Variants in CTNND2 observed in about 807,000 individuals in gnomAD.
CTNND2 encodes the protein catenin delta-2.
A neutral mutation model predicts 144.4 loss-of-function variants in CTNND2; 22 were observed. The observed-to-expected ratio is 0.15, with a 90% CI of 0.11 to 0.22. CTNND2 has a LOEUF of 0.22. Among genes scored for constraint, CTNND2 ranks in the 10% least tolerant of loss-of-function variants. The pLI is 1.00. For missense variants in CTNND2, 1,353 were observed against 1,618.8 expected, an observed-to-expected ratio of 0.84 and a Z score of 2.82; for synonymous variants, 751 against 695.6, an observed-to-expected ratio of 1.08 and a Z score of -1.25.
At chr5:11,248,375 G>T (rs769247319) in intron 9 of CTNND2, among the ~76,000 whole-genome samples, 10 of 151,784 alleles carry the variant, frequency 6.6e-5, no homozygotes, top group Admixed American at 1.3e-4. Context: ...GGGCACATGT[G>T]TATGTATATG....
intron 3 of CTNND2, among the ~76,000 whole-genome samples, chr5:11,497,618 AGAG>A (rs1337287964): frequency 6.7e-6 from 1 of 149,660 alleles, no homozygotes; most frequent in Admixed American, 6.8e-5. Flanking sequence ...GGGAGTGGAG[AGAG>A]GAGAATTAAT....
rs58435800 is a variant in CTNND2 at position 11,470,981 on chromosome 5, T to TATATATA, written c.288-58913_288-58912insTATATAT. On this transcript the variant is annotated intron_variant, in intron 3 of 21. Transcript: ENST00000304623. ...ATATATATATATATATATATATATA[T>TATATATA]TTTTTTTTTTTTTTTAGATGGAGTC... Among the ~76,000 whole-genome samples, 248 of 63,942 alleles carry TATATATA rather than the reference T, an allele frequency of 3.9e-3. 2 individuals carry two copies. The highest frequency in any genetic ancestry group is 0.012 in the African/African-American group (138 of 11,788). 41.9% of individuals were successfully genotyped at this position (63,942 alleles called of 152,430 possible).
At chr5:11,688,495 C>T (rs1408775068) in intron 2 of CTNND2, among the ~76,000 whole-genome samples, 2 of 152,230 alleles carry the variant, frequency 1.3e-5, no homozygotes, top group African/African-American at 4.8e-5. Context: ...ATTCTCAGCA[C>T]TTTCAGCAAT....
At position 11,346,563 on chromosome 5, in the gene CTNND2, C is replaced by G; in HGVS notation, c.1437G>C (p.Gln479His). 6.2e-7 allele frequency: 1 copy of G among 1,602,422 alleles called. No homozygotes were observed. Among genetic ancestry groups the G allele is most frequent in the South Asian group, 1.1e-5 (1 of 89,012 alleles). ...TCTGGAAGGTGGCCGCGGCGGCATT[C>G]TGTGGGCCGTGCTGGCTGCCTGTGC... ...LQRTGSQHGP[Q>H]NAAAATFQRA... Residue 479 changes from glutamine to histidine, a missense_variant, in exon 9 of 22, where the codon CAG (glutamine) becomes CAC (histidine). Gln to His is a conservative substitution (Grantham distance 24). Coordinates refer to ENST00000304623, the MANE Select transcript of CTNND2 (RefSeq NM_001332.4).
At chr5:11,854,857 T>C (rs745765631) in intron 1 of CTNND2, among the ~76,000 whole-genome samples, 1 of 152,230 alleles carries the variant, frequency 6.6e-6, no homozygotes, top group Non-Finnish European at 1.5e-5. Flanking sequence ...TTTGTTGTTG[T>C]TTTGGTTTTT....
intron 10 of CTNND2, among the ~76,000 whole-genome samples, chr5:11,205,616 C>A (rs994479496): frequency 6.6e-6 from 1 of 152,114 alleles, no homozygotes; most frequent in East Asian, 1.9e-4. Context: ...GAATTTCAAG[C>A]CTTACTCTTA....
intron 18 of CTNND2, among the ~76,000 whole-genome samples, chr5:10,994,459 G>T: frequency 9.7e-6 from 1 of 103,578 alleles, no homozygotes; most frequent in Non-Finnish European, 2.0e-5. Context: ...CGGGGGCCGG[G>T]AAGGAGGAAG....
intron 20 of CTNND2, 133 bp downstream of exon 20, chr5:10,987,978 G>C: frequency 1.8e-6 from 2 of 1,132,866 alleles, no homozygotes; most frequent in Non-Finnish European, 2.5e-6. Flanking sequence ...AAGCTCTCAA[G>C]TGACTGGACA....
chr5:11,108,690 T>C (rs17183535), intron 14 of CTNND2, among the ~76,000 whole-genome samples: 3,516 of 152,268 alleles, frequency 0.023, 79 homozygotes, highest in East Asian at 0.14. Flanking sequence ...TTCCATCAGG[T>C]CCTGCTTATT....
chr5:11,377,715 G>A (rs1164184730), intron 7 of CTNND2, among the ~76,000 whole-genome samples: 1 of 152,134 alleles, frequency 6.6e-6, no homozygotes, highest in Non-Finnish European at 1.5e-5. Flanking sequence ...AAGACACCAG[G>A]AAGACATTTT....
At chr5:11,108,711 T>C (rs1477806840) in intron 14 of CTNND2, among the ~76,000 whole-genome samples, 4 of 152,184 alleles carry the variant, frequency 2.6e-5, no homozygotes, top group Non-Finnish European at 5.9e-5. Context: ...TAGTTTTTGT[T>C]TTTCTCAGTG....
chr5:11,291,479 A>G (rs2150015288), intron 9 of CTNND2, among the ~76,000 whole-genome samples: 1 of 152,194 alleles, frequency 6.6e-6, no homozygotes, highest in African/African-American at 2.4e-5. Flanking sequence ...TGCCACTTCC[A>G]ATTCCTTACA....
intron 2 of CTNND2, among the ~76,000 whole-genome samples, chr5:11,635,727 C>T (rs923150496): frequency 4.0e-5 from 6 of 151,558 alleles, no homozygotes; most frequent in South Asian, 4.2e-4. Context: ...TCTTTTTTTT[C>T]TTATAACATA....
rs150021654 is a variant in CTNND2 at position 11,403,757 on chromosome 5, T to G, written c.440-6554A>C. ...AAATAAATAAAACATTAATACAAAT[T>G]GGTTTTGAAGAAAATAAAATTTAAA... On this transcript the variant is annotated intron_variant, in intron 5 of 21. Coordinates refer to ENST00000304623, the MANE Select transcript of CTNND2 (RefSeq NM_001332.4). Among the ~76,000 whole-genome samples the G allele has an allele frequency of 5.2e-3, 790 of 152,348 alleles. 3 individuals carry two copies. Among genetic ancestry groups the G allele is most frequent in the South Asian group, 0.018 (88 of 4,830 alleles).
In CTNND2 at chr5:11,829,448, C is replaced by G. The variant is rs1489859169; in HGVS notation, c.37+74369G>C. On this transcript the variant is annotated intron_variant, in intron 1 of 21. Coordinates refer to ENST00000304623, the MANE Select transcript of CTNND2 (RefSeq NM_001332.4). The stretch of plus-strand genomic sequence containing the variant: ...GTGTACAGCCTAGGGACTTGGTGCC[C>G]TGCATCCCAGCCATTCCAGTCATGG... 2.6e-5 allele frequency among the ~76,000 whole-genome samples: 4 copies of G among 152,174 alleles called. No individual in the cohort carries two copies. The South Asian group carries it at 8.3e-4, about 32-fold the overall frequency.
intron 7 of CTNND2, among the ~76,000 whole-genome samples, chr5:11,372,310 A>T (rs1290541232): frequency 6.6e-6 from 1 of 152,188 alleles, no homozygotes; most frequent in African/African-American, 2.4e-5. Flanking sequence ...TTTAACCACA[A>T]GCATCTATTC....
intron 2 of CTNND2, among the ~76,000 whole-genome samples, chr5:11,568,016 T>C (rs1218285167): frequency 6.6e-6 from 1 of 152,172 alleles, no homozygotes; most frequent in Non-Finnish European, 1.5e-5. Context: ...CAGAACAGCA[T>C]GTAGTCTAGG....
Position 10,973,557 on chromosome 5 carries a change from T to C in CTNND2, c.3574A>G (p.Lys1192Glu), listed in dbSNP as rs1579908193. 1.9e-6 allele frequency: 3 copies of C among 1,614,184 alleles called. No individual in the cohort carries two copies. Among genetic ancestry groups the C allele is most frequent in the Middle Eastern group, 1.6e-4 (1 of 6,062 alleles). Reference sequence around the variant, plus strand: ...AAGTCAACGTAGTTGCCGGTGGACTTGAGACCCAGGTGCATGGTGTACTCG... The same window carrying C: ...AAGTCAACGTAGTTGCCGGTGGACTCGAGACCCAGGTGCATGGTGTACTCG... ...ASEYTMHLGL[K>E]STGNYVDFYS... Residue 1192 changes from lysine (K) to glutamate (E), a missense_variant, in exon 22 of 22, where the codon AAG (lysine) becomes GAG (glutamate). By Grantham distance (56) the Lys-to-Glu change is moderately conservative (BLOSUM62 1). Around this residue, in one of 4 missense-constraint regions of CTNND2, gnomAD observed 459 missense variants for 674.3 expected, o/e 0.68. Transcript: ENST00000304623. The surrounding 1 kb of genome is among the most constrained non-coding windows in gnomAD (Gnocchi z 5.6).
At chr5:11,786,490 GTTC>G (rs1369585769) in intron 1 of CTNND2, among the ~76,000 whole-genome samples, 2 of 152,182 alleles carry the variant, frequency 1.3e-5, no homozygotes, top group Non-Finnish European at 2.9e-5. Flanking sequence ...CTACAGAGAT[GTTC>G]TGAAAATTAA....
Sources: gnomAD v4.1 joint callset for allele counts (sites outside exome capture counted in the v4.1 genomes callset) on GRCh38, gnomAD v4.1.1 for gene constraint, gnomAD v4.1.1 regional missense constraint, Gnocchi (gnomAD v3.1) non-coding constraint, MANE v1.5 for transcripts, NCBI Gene and HGNC (gene_info 2026-07-23, HGNC 2026-07-21) for gene names.